The following TENM2 variants were observed in gnomAD, a reference collection of about 807,000 sequenced individuals.
The protein encoded by TENM2 is teneurin-2.
A neutral mutation model predicts 245.2 loss-of-function variants in TENM2; 52 were observed. The observed-to-expected ratio is 0.21, with a 90% confidence interval of 0.17 to 0.27. TENM2 has a LOEUF of 0.27. Ranked by LOEUF, TENM2 falls within the 10% of genes least tolerant of loss-of-function variation. TENM2 has a pLI of 1.00. For synonymous variants in TENM2, 1,363 were observed against 1,438.9 expected (o/e 0.95, Z 1.19); for missense variants, 3,046 against 3,666.8 (o/e 0.83, Z 4.37).
intron 2 of TENM2, among the ~76,000 whole-genome samples, chr5:167,694,588 T>C (rs1216505809): frequency 6.6e-6 from 1 of 152,206 alleles, no homozygotes; most frequent in Non-Finnish European, 1.5e-5. Context: ...TGTCATTTCT[T>C]TGCTTCCTTA....
the TENM2 span, among the ~76,000 whole-genome samples, chr5:167,128,362 C>A: frequency 6.6e-6 from 1 of 152,078 alleles, no homozygotes; most frequent in Non-Finnish European, 1.5e-5. Context: ...TATGATCTGG[C>A]CCAGGGGAGT....
At position 167,352,778 on chromosome 5, in the gene TENM2, T is replaced by C. The variant is rs139740934; in HGVS notation, c.227-22420T>C. ...GGTTGTGTAGTGAAACTCTGACATA[T>C]GTCATGGTTGTCAAAGTCGGCATTA... On this transcript the variant is annotated intron_variant, in intron 1 of 28. Transcript: ENST00000518659. Among the ~76,000 whole-genome samples the C allele has an allele frequency of 1.2e-4, 18 of 152,368 alleles. No homozygotes were observed. In the East Asian group the frequency reaches 3.5e-3, roughly 29 times the overall value.
chr5:168,181,392 C>A (rs992033212), intron 13 of TENM2, among the ~76,000 whole-genome samples: 1 of 152,188 alleles, frequency 6.6e-6, no homozygotes. Context: ...GGTAGCAGAG[C>A]CTTGATTTTC....
the TENM2 span, among the ~76,000 whole-genome samples, chr5:167,153,429 G>A: frequency 9.9e-5 from 15 of 152,044 alleles, no homozygotes; most frequent in African/African-American, 3.6e-4. Flanking sequence ...CTTCATCCTC[G>A]TCATCTTCAA....
intron 12 of TENM2, among the ~76,000 whole-genome samples, chr5:168,141,237 C>T (rs1216010820): frequency 2.0e-5 from 3 of 152,122 alleles, no homozygotes; most frequent in Non-Finnish European, 2.9e-5. Flanking sequence ...TTCTAGATTG[C>T]CTTGCTCTTC....
chr5:167,579,541 G>T (rs760596511), intron 2 of TENM2, among the ~76,000 whole-genome samples: 1 of 152,120 alleles, frequency 6.6e-6, no homozygotes, highest in Non-Finnish European at 1.5e-5. Context: ...TTCTTCTGAC[G>T]GTTCGACAGT....
chr5:167,664,155 G>C (rs1755423569), intron 2 of TENM2, among the ~76,000 whole-genome samples: 1 of 152,122 alleles, frequency 6.6e-6, no homozygotes, highest in African/African-American at 2.4e-5. Context: ...GTTGACCTCT[G>C]CCAGGCTCTG....
chr5:167,694,381 T>A (rs1757628770), intron 2 of TENM2, among the ~76,000 whole-genome samples: 2 of 152,210 alleles, frequency 1.3e-5, no homozygotes, highest in Admixed American at 1.3e-4. Context: ...CAGCCCAGGT[T>A]CTGAACCAAT....
At chr5:168,075,757 G>A (rs1479634233) in intron 7 of TENM2, among the ~76,000 whole-genome samples, 4 of 152,222 alleles carry the variant, frequency 2.6e-5, no homozygotes, top group Admixed American at 2.0e-4. Context: ...ATAAAGGAAA[G>A]GAGGTTTAAT....
intron 2 of TENM2, among the ~76,000 whole-genome samples, chr5:167,762,909 G>T (rs1169244296): frequency 6.6e-6 from 1 of 152,182 alleles, no homozygotes; most frequent in African/African-American, 2.4e-5. Context: ...TCTGCCATGT[G>T]CAGGAAATAC....
intron 2 of TENM2, among the ~76,000 whole-genome samples, chr5:167,863,865 T>C (rs1293666896): frequency 6.6e-6 from 1 of 152,186 alleles, no homozygotes; most frequent in East Asian, 1.9e-4. Context: ...AAGGCAATGA[T>C]GTTCGAACAA....
chr5:167,392,595 G>A (rs548069769), intron 2 of TENM2, among the ~76,000 whole-genome samples: 8 of 152,184 alleles, frequency 5.3e-5, no homozygotes, highest in African/African-American at 1.7e-4. Context: ...ACTACACTAC[G>A]GGTTTTCCCC....
At chr5:167,551,648 C>A (rs959029020) in intron 2 of TENM2, among the ~76,000 whole-genome samples, 1 of 151,830 alleles carries the variant, frequency 6.6e-6, no homozygotes, top group Non-Finnish European at 1.5e-5. Flanking sequence ...AAAAATAAAC[C>A]CATAAAATAT....
At chr5:167,515,618 T>TAC (rs1554168349) in intron 2 of TENM2, among the ~76,000 whole-genome samples, 3 of 145,310 alleles carry the variant, frequency 2.1e-5, no homozygotes, top group African/African-American at 7.6e-5. Context: ...AATATATATA[T>TAC]ACATATATAT....
chr5:167,740,783 C>A (rs183237817), intron 2 of TENM2, among the ~76,000 whole-genome samples: 42 of 152,296 alleles, frequency 2.8e-4, no homozygotes, highest in Non-Finnish European at 4.6e-4. Context: ...AATCCTTCCT[C>A]TTACTGAAAC....
chr5:168,228,392 A>T (rs1404097078), intron 25 of TENM2, among the ~76,000 whole-genome samples: 1 of 152,172 alleles, frequency 6.6e-6, no homozygotes, highest in Non-Finnish European at 1.5e-5. Flanking sequence ...ATTTCCTAGG[A>T]CTGAAAAAGG....
intron 2 of TENM2, among the ~76,000 whole-genome samples, chr5:167,565,858 A>T (rs542964829): frequency 6.6e-6 from 1 of 152,296 alleles, no homozygotes; most frequent in South Asian, 2.1e-4. Context: ...AAAAAGATTT[A>T]ACTGGCGTCT....
At chr5:167,076,059 C>T in the TENM2 span, among the ~76,000 whole-genome samples, 24 of 152,242 alleles carry the variant, frequency 1.6e-4, no homozygotes, top group Admixed American at 1.5e-3. Context: ...ATTCTCTTTG[C>T]TCTTTAAGAG....
At chr5:168,158,125 T>A (rs1020524474) in intron 12 of TENM2, among the ~76,000 whole-genome samples, 1 of 152,054 alleles carries the variant, frequency 6.6e-6, no homozygotes, top group South Asian at 2.1e-4. Context: ...ATTTCACCAT[T>A]TTGGCCAGGC....
Sources: allele counts gnomAD v4.1 joint callset (sites outside exome capture counted in the v4.1 genomes callset), GRCh38; gene constraint gnomAD v4.1.1; transcripts MANE v1.5; gene names NCBI Gene and HGNC (gene_info 2026-07-23, HGNC 2026-07-21).